The following LRRC51 variants were observed in gnomAD, a reference collection of about 807,000 sequenced individuals.
The protein encoded by LRRC51 is leucine-rich repeat-containing protein 51.
LRRC51 carries 8 observed loss-of-function variants against 17.8 expected under a neutral mutation model. The observed-to-expected ratio is 0.45, with a 90% CI of 0.26 to 0.81. LRRC51 has a LOEUF of 0.81. Among genes scored for constraint, LRRC51 ranks in the 30% least tolerant of loss-of-function variants. The probability of loss-of-function intolerance (pLI) is 0.17; values close to 1 mark genes in which losing one functional copy is unlikely to be tolerated. For synonymous variants in LRRC51, 92 were observed against 96.0 expected (o/e 0.96, Z 0.24); for missense variants, 233 against 239.3 (o/e 0.97, Z 0.17).
chr11:72,095,071 C>T lies in LRRC51; in HGVS notation c.412C>T (p.Pro138Ser). 6.2e-7 allele frequency: 1 copy of T among 1,614,036 alleles called. No homozygotes were observed. Among genetic ancestry groups the T allele is most frequent in the Non-Finnish European group, 8.5e-7 (1 of 1,180,008 alleles). ...RLRSLTLHGN[P>S]MEEEKGYRQY... ...CCGTAGCCTGACACTCCATGGGAACCCCATGGAGGAAGAGAAAGGGTATAG... is the reference window on the plus strand; with the variant it reads ...CCGTAGCCTGACACTCCATGGGAACTCCATGGAGGAAGAGAAAGGGTATAG... The change falls in exon 5 of 6, where the codon CCC becomes TCC. Residue 138 changes from proline (P) to serine (S), a missense_variant. Pro to Ser is a moderately conservative substitution (Grantham distance 74). Transcript: ENST00000289488.
rs1042816265 is a variant in LRRC51 at position 72,096,219 on chromosome 11, G to T, written c.*699G>T. On this transcript the variant is annotated 3_prime_UTR_variant, in exon 6 of 6. Transcript: ENST00000289488. ...GGGTTTCACCATGTTAGCCAGGATGGTCTCCATCTCCTGACCTTGTGATCC... is the reference window on the plus strand; with the variant it reads ...GGGTTTCACCATGTTAGCCAGGATGTTCTCCATCTCCTGACCTTGTGATCC... 6.3e-6 allele frequency: 1 copy of T among 157,810 alleles called. No individual in the cohort carries two copies. Among genetic ancestry groups the T allele is most frequent in the African/African-American group, 2.4e-5 (1 of 41,478 alleles). 9.8% of individuals were successfully genotyped at this position (157,810 alleles called of 1,614,324 possible). A position where few individuals can be genotyped will look rare whatever the true frequency, so the allele number is the denominator to read the frequency against.
At chr11:72,087,812 G>C (rs765096173) in intron 1 of LRRC51, among the ~76,000 whole-genome samples, 2 of 152,108 alleles carry the variant, frequency 1.3e-5, no homozygotes, top group East Asian at 3.8e-4. Context: ...GTAAAATTAA[G>C]TTATTAAAAT....
chr11:72,084,448 A>G (rs1315702023), intron 1 of LRRC51, among the ~76,000 whole-genome samples: 5 of 152,258 alleles, frequency 3.3e-5, no homozygotes, highest in African/African-American at 9.6e-5. Context: ...GATACATAGT[A>G]TAAAATACTT....
chr11:72,092,631 T>C (rs1944927005), intron 3 of LRRC51, among the ~76,000 whole-genome samples: 2 of 152,286 alleles, frequency 1.3e-5, no homozygotes, highest in African/African-American at 4.8e-5. Context: ...GACTTTTGAC[T>C]GGATTCCTGC....
At chr11:72,087,348 C>T (rs1282168274) in intron 1 of LRRC51, among the ~76,000 whole-genome samples, 2 of 134,002 alleles carry the variant, frequency 1.5e-5, no homozygotes, top group Non-Finnish European at 3.0e-5. Context: ...CTTGCTCTGT[C>T]GCCCAGGCTG....
At position 72,096,800 on chromosome 11, in the gene LRRC51, C is replaced by A; in HGVS notation, c.*1280C>A. The stretch of plus-strand genomic sequence containing the variant: ...ATGGCCTATGATCTCTGAAACCAGC[C>A]CCCACTTCAATCAGATCAAAGTAAT... On this transcript the variant is annotated 3_prime_UTR_variant, in exon 6 of 6. Coordinates refer to ENST00000289488, the MANE Select transcript of LRRC51 (RefSeq NM_145309.6). 1 of 1,378,072 alleles carries A rather than the reference C, an allele frequency of 7.3e-7. No individual in the cohort carries two copies. Among genetic ancestry groups the A allele is most frequent in the Admixed American group, 3.0e-5 (1 of 33,466 alleles). 85.4% of individuals were successfully genotyped at this position (1,378,072 alleles called of 1,614,324 possible).
At chr11:72,088,156 G>T (rs866282611) in intron 1 of LRRC51, 141 bp from the exon 2 acceptor site, 15 of 540,302 alleles carry the variant, frequency 2.8e-5, no homozygotes, top group African/African-American at 1.6e-4. Context: ...TTCATCCCAG[G>T]TGAGTAGTAT....
Position 72,095,100 on chromosome 11 carries a change from A to G in LRRC51, c.437+4A>G, listed in dbSNP as rs1259769112. 1 of 1,613,660 alleles carries G rather than the reference A, an allele frequency of 6.2e-7. No individual in the cohort carries two copies. Among genetic ancestry groups the G allele is most frequent in the Admixed American group, 1.7e-5 (1 of 59,996 alleles). ...TGGAGGAAGAGAAAGGGTATAGGTA[A>G]GTGCCCTGCCCCTGGAGGTAGCGTC... On this transcript the variant is annotated splice_donor_region_variant and intron_variant, in intron 5 of 5. Transcript: ENST00000289488.
In LRRC51 at chr11:72,094,973, G is replaced by A; in HGVS notation, c.314G>A (p.Ser105Asn). 6.2e-7 allele frequency: 1 copy of A among 1,614,074 alleles called. No homozygotes were observed. Among genetic ancestry groups the A allele is most frequent in the Non-Finnish European group, 8.5e-7 (1 of 1,180,028 alleles). The change falls in exon 5 of 6, where the codon AGT becomes AAT. Residue 105 changes from serine (S) to asparagine (N), a missense_variant. Physicochemically the swap from Ser to Asn is conservative, Grantham distance 46. Transcript: ENST00000289488. ...DPVLTTFFNL[S>N]VLYLHGNSIQ... The stretch of plus-strand genomic sequence containing the variant: ...GTCCTAACAACTTTCTTCAACCTGA[G>A]TGTCCTCTATCTTCACGGCAACAGC...
chr11:72,089,014 T>C lies in LRRC51; in HGVS notation c.-55-15T>C. 6.2e-7 allele frequency: 1 copy of C among 1,605,720 alleles called. No individual in the cohort carries two copies. The highest frequency in any genetic ancestry group is 1.1e-5 in the South Asian group (1 of 90,610). On this transcript the variant is annotated splice_polypyrimidine_tract_variant and intron_variant, in intron 2 of 5. Coordinates refer to ENST00000289488, the MANE Select transcript of LRRC51 (RefSeq NM_145309.6). Reference sequence around the variant, plus strand: ...CCGGTGTACTTGAAACACTGGTCTTTCTCTGTCCTCCCAGGCTGAACCCAG... The same window carrying C: ...CCGGTGTACTTGAAACACTGGTCTTCCTCTGTCCTCCCAGGCTGAACCCAG...
intron 3 of LRRC51, 63 bp from the exon 4 acceptor site, chr11:72,093,433 C>G: frequency 6.8e-7 from 1 of 1,474,424 alleles, no homozygotes; most frequent in Non-Finnish European, 9.3e-7. Context: ...CAGCTCTGTC[C>G]CTTCCCACCC....
intron 1 of LRRC51, among the ~76,000 whole-genome samples, chr11:72,084,502 T>TA (rs1351886632): frequency 6.6e-6 from 1 of 152,138 alleles, no homozygotes; most frequent in East Asian, 1.9e-4. Flanking sequence ...ATTTGAAAAT[T>TA]AAAAAATAGG....
chr11:72,094,474 G>A (rs1591162777), intron 4 of LRRC51: 1 of 545,616 alleles, frequency 1.8e-6, no homozygotes, highest in East Asian at 3.1e-5. Context: ...AAGAAATAAA[G>A]TTTGGCCTTT....
intron 1 of LRRC51, among the ~76,000 whole-genome samples, chr11:72,082,494 G>A (rs1044698549): frequency 3.3e-5 from 5 of 152,076 alleles, no homozygotes; most frequent in African/African-American, 4.8e-5. Flanking sequence ...GATCTATATA[G>A]CCAATTGCCT....
intron 1 of LRRC51, among the ~76,000 whole-genome samples, chr11:72,081,125 T>G (rs1216146015): frequency 6.6e-6 from 1 of 152,130 alleles, no homozygotes; most frequent in Admixed American, 6.5e-5. Context: ...TGGGGATGCT[T>G]AAGAACCACC....
Position 72,093,675 on chromosome 11 carries a change from T to G in LRRC51, c.262T>G (p.Phe88Val). The G allele has an allele frequency of 1.2e-6, 2 of 1,614,234 alleles. No homozygotes were observed. Among genetic ancestry groups the G allele is most frequent in the Non-Finnish European group, 1.7e-6 (2 of 1,180,040 alleles). Reference protein sequence around the residue: ...PENLAWIDLSFNDLTSIDPVL... With the variant: ...PENLAWIDLSVNDLTSIDPVL... ...GAACCTGGCCTGGATCGACCTGTCCTTTAATGACCTGACTTCCATTGACCC... is the reference window on the plus strand; with the variant it reads ...GAACCTGGCCTGGATCGACCTGTCCGTTAATGACCTGACTTCCATTGACCC... The change falls in exon 4 of 6, where the codon TTT (phenylalanine) becomes GTT (valine). Residue 88 changes from phenylalanine to valine, a missense_variant. Coordinates refer to ENST00000289488, the MANE Select transcript of LRRC51 (RefSeq NM_145309.6).
In LRRC51 at chr11:72,096,328, C is replaced by G; in HGVS notation, c.*808C>G. The G allele has an allele frequency of 6.0e-6, 1 of 165,600 alleles. No homozygotes were observed. The highest frequency in any genetic ancestry group is 1.3e-5 in the Non-Finnish European group (1 of 78,120). The allele number at this position is 165,600 out of a possible 1,614,324, so 10.3% of individuals were successfully genotyped here. ...ATGTTGGCCAGGCTGGTCTTGAACT[C>G]CTGACCTCAGGTGATCCGTCTGCTT... is the stretch of plus-strand genomic sequence containing the variant. On this transcript the variant is annotated 3_prime_UTR_variant, in exon 6 of 6. Transcript: ENST00000289488.
intron 2 of LRRC51, 153 bp downstream of exon 2, chr11:72,088,533 C>A: frequency 3.1e-6 from 2 of 649,602 alleles, no homozygotes; most frequent in Admixed American, 2.2e-5. Flanking sequence ...CCCAGCTGGG[C>A]CAGACTGAGA....
chr11:72,090,103 T>C (rs1944769383), intron 3 of LRRC51, among the ~76,000 whole-genome samples: 1 of 152,174 alleles, frequency 6.6e-6, no homozygotes, highest in Admixed American at 6.5e-5. Context: ...GGGTTTAGGG[T>C]CTACTTGGGT....
Sources: allele counts gnomAD v4.1 joint callset (sites outside exome capture counted in the v4.1 genomes callset), GRCh38; gene constraint gnomAD v4.1.1; transcripts MANE v1.5; gene names NCBI Gene and HGNC (gene_info 2026-07-23, HGNC 2026-07-21).